PSMD11: variants seen among roughly 807,000 people sequenced by gnomAD.
PSMD11 encodes the protein proteasome 26S subunit, non-ATPase 11, also known as 26S proteasome non-ATPase regulatory subunit 11.
PSMD11 carries 5 observed loss-of-function variants against 62.3 expected under a neutral mutation model. The observed-to-expected ratio is 0.08, with a 90% CI of 0.04 to 0.17. PSMD11 has a LOEUF of 0.17. Among genes scored for constraint, PSMD11 ranks in the 10% least tolerant of loss-of-function variants. The pLI is 1.00. For missense variants in PSMD11, 310 were observed against 512.9 expected, an observed-to-expected ratio of 0.60 and a Z score of 3.82; for synonymous variants, 191 against 191.8, an observed-to-expected ratio of 1.00 and a Z score of 0.03.
chr17:32,444,876 C>G, intron 1 of PSMD11: 2 of 527,648 alleles, frequency 3.8e-6, no homozygotes, highest in Admixed American at 3.8e-5. Context: ...GAGAGTGGGC[C>G]GAGCCGGGCC....
Position 32,480,857 on chromosome 17 carries a change from C to T in PSMD11, c.*105C>T, listed in dbSNP as rs774233652. The stretch of plus-strand genomic sequence containing the variant: ...TTTTCTTTTTGTTCTACTTTTCGCT[C>T]GGAAAGTTTTTAAATCCTCATTTGG... On this transcript the variant is annotated 3_prime_UTR_variant, in exon 14 of 14. Coordinates refer to ENST00000261712, the MANE Select transcript of PSMD11 (RefSeq NM_002815.4). The T allele has an allele frequency of 4.9e-5, 23 of 471,646 alleles. No homozygotes were observed. Among genetic ancestry groups the T allele is most frequent in the Admixed American group, 7.7e-5 (2 of 26,076 alleles). 29.2% of individuals were successfully genotyped at this position (471,646 alleles called of 1,614,324 possible).
intron 6 of PSMD11, 72 bp from the exon 7 acceptor site, chr17:32,473,729 C>T: frequency 2.0e-6 from 3 of 1,527,892 alleles, no homozygotes; most frequent in Admixed American, 3.5e-5. Flanking sequence ...GATGTCTAAG[C>T]TGCCTCCCAG....
intron 2 of PSMD11, among the ~76,000 whole-genome samples, chr17:32,448,478 C>T (rs1393102378): frequency 6.6e-6 from 1 of 152,020 alleles, no homozygotes; most frequent in East Asian, 1.9e-4. Context: ...AGCGATTCTA[C>T]TATCTCAGCC....
intron 11 of PSMD11, 67 bp from the exon 12 acceptor site, chr17:32,480,079 G>C: frequency 6.4e-7 from 1 of 1,564,546 alleles, no homozygotes; most frequent in Non-Finnish European, 8.8e-7. Context: ...CTCCAACAAA[G>C]CTACTGTGTC....
rs957715288 is a variant in PSMD11, at chr17:32,482,805, A to T, written c.*2053A>T. ...GGAATCTTCAAAGGCAGCGATTTTC[A>T]TATTGCCTCACACCCTGGCGGGGGC... is the stretch of plus-strand genomic sequence containing the variant. On this transcript the variant is annotated 3_prime_UTR_variant, in exon 14 of 14. Transcript: ENST00000261712. The T allele has an allele frequency of 5.3e-5, 8 of 152,246 alleles. No individual in the cohort carries two copies. The highest frequency in any genetic ancestry group is 1.9e-4 in the African/African-American group (8 of 41,492). 9.4% of individuals were successfully genotyped at this position (152,246 alleles called of 1,614,324 possible).
chr17:32,445,570 G>A (rs945319685), intron 1 of PSMD11: 7 of 152,224 alleles, frequency 4.6e-5, no homozygotes, highest in South Asian at 4.1e-4. Context: ...GACAGAAGAA[G>A]ACGTTAATGT....
chr17:32,450,230 T>C (rs755834024), intron 2 of PSMD11, among the ~76,000 whole-genome samples: 5 of 151,242 alleles, frequency 3.3e-5, no homozygotes, highest in Non-Finnish European at 5.9e-5. Flanking sequence ...CAAAGTGTTG[T>C]GATTATAGGC....
chr17:32,478,699 ATTC>A (rs1908399058), intron 9 of PSMD11, among the ~76,000 whole-genome samples: 1 of 152,106 alleles, frequency 6.6e-6, no homozygotes, highest in Non-Finnish European at 1.5e-5. Flanking sequence ...AGCATTTCCT[ATTC>A]TTTAACCTCA....
At chr17:32,468,925 T>C (rs1908076386) in intron 5 of PSMD11, 74 bp from the exon 6 acceptor site, 7 of 1,336,910 alleles carry the variant, frequency 5.2e-6, no homozygotes, top group East Asian at 2.5e-5. Flanking sequence ...CTGAGTGTTA[T>C]GAGGGTGGGA....
At chr17:32,463,430 A>C (rs577732533) in intron 3 of PSMD11, 1 of 152,110 alleles carries the variant, frequency 6.6e-6, no homozygotes, top group African/African-American at 2.4e-5. Context: ...TCAGGAGCTC[A>C]ATCTGTAACT....
At chr17:32,457,095 C>G (rs1432554050) in intron 3 of PSMD11, among the ~76,000 whole-genome samples, 1 of 152,202 alleles carries the variant, frequency 6.6e-6, no homozygotes, top group Non-Finnish European at 1.5e-5. Context: ...GCTCCCTTAA[C>G]TGTGGTTATA....
intron 6 of PSMD11, among the ~76,000 whole-genome samples, chr17:32,472,028 A>T (rs1028190829): frequency 2.6e-5 from 4 of 152,116 alleles, no homozygotes; most frequent in African/African-American, 9.7e-5. Context: ...GGCATGTGCC[A>T]CCACGCCTGG....
chr17:32,463,277 T>C (rs1235351437), intron 3 of PSMD11: 1 of 152,208 alleles, frequency 6.6e-6, no homozygotes, highest in Non-Finnish European at 1.5e-5. Context: ...TGGCAGATAG[T>C]AGTAGGGGTT....
chr17:32,446,573 A>G (rs1907337067), intron 1 of PSMD11, among the ~76,000 whole-genome samples: 1 of 152,202 alleles, frequency 6.6e-6, no homozygotes, highest in African/African-American at 2.4e-5. Context: ...ATATCTTCCC[A>G]TAAAATAGTG....
At chr17:32,471,639 T>C (rs1908164939) in intron 6 of PSMD11, among the ~76,000 whole-genome samples, 1 of 152,202 alleles carries the variant, frequency 6.6e-6, no homozygotes, top group Non-Finnish European at 1.5e-5. Flanking sequence ...TGTGATGTCA[T>C]GGAGGGTAAA....
intron 2 of PSMD11, among the ~76,000 whole-genome samples, chr17:32,452,070 T>C (rs1165325237): frequency 6.6e-6 from 1 of 152,236 alleles, no homozygotes; most frequent in African/African-American, 2.4e-5. Context: ...CCATAGATTT[T>C]CAGGGGTCTG....
At chr17:32,477,641 C>A in intron 9 of PSMD11, 58 bp downstream of exon 9, 1 of 1,385,630 alleles carries the variant, frequency 7.2e-7, no homozygotes, top group South Asian at 1.3e-5. Context: ...CGTTTAAGTA[C>A]TTCAAAACAC....
chr17:32,480,048 A>G (rs1597845319), intron 11 of PSMD11, 98 bp from the exon 12 acceptor site: 5 of 1,502,970 alleles, frequency 3.3e-6, no homozygotes, highest in South Asian at 2.3e-5. Flanking sequence ...TTTTGTTTTC[A>G]GTCCATTTGG....
At chr17:32,454,747 G>A in intron 3 of PSMD11, 128 bp downstream of exon 3, 1 of 1,013,170 alleles carries the variant, frequency 9.9e-7, no homozygotes, top group Non-Finnish European at 1.4e-6. Context: ...GACTTATCAT[G>A]TCAGTTTCTC....
Sources: allele counts gnomAD v4.1 joint callset (sites outside exome capture counted in the v4.1 genomes callset), GRCh38; gene constraint gnomAD v4.1.1; transcripts MANE v1.5; gene names NCBI Gene and HGNC (gene_info 2026-07-23, HGNC 2026-07-21).